Variants in NINL observed in about 807,000 individuals in gnomAD.
NINL encodes the protein ninein like, also known as ninein-like protein.
Under a neutral mutation model 160.3 loss-of-function variants are expected in NINL, and 153 were observed. The ratio of observed to expected loss-of-function variants is 0.95; its 90% confidence interval spans 0.84 to 1.09. The LOEUF is 1.09. NINL is among the 50% of genes least tolerant of loss of function. The probability of loss-of-function intolerance (pLI) is 0.00; values close to 1 mark genes in which losing one functional copy is unlikely to be tolerated. For missense variants in NINL, 1,829 were observed against 1,764.0 expected (o/e 1.04, Z -0.66); for synonymous variants, 800 against 734.8 (o/e 1.09, Z -1.43).
intron 1 of NINL, among the ~76,000 whole-genome samples, chr20:25,531,803 A>T (rs2064469167): frequency 6.6e-6 from 1 of 152,096 alleles, no homozygotes; most frequent in Admixed American, 6.5e-5. Flanking sequence ...CTGTTTTCCC[A>T]ATGTCAGAGG....
chr20:25,456,488 C>T (rs1379476375), intron 22 of NINL, among the ~76,000 whole-genome samples: 1 of 151,174 alleles, frequency 6.6e-6, no homozygotes, highest in African/African-American at 2.4e-5. Flanking sequence ...GCGGAGGTTG[C>T]AGTGAGCCAA....
chr20:25,511,696 TC>T lies in NINL; in HGVS notation c.451-957del, dbSNP rs201336262. Among the ~76,000 whole-genome samples, 448 of 152,288 alleles carry T rather than the reference TC, an allele frequency of 2.9e-3. 1 individual carries two copies. The highest frequency in any genetic ancestry group is 0.01 in the African/African-American group (432 of 41,572). On this transcript the variant is annotated intron_variant, in intron 4 of 23. Transcript: ENST00000278886. The stretch of plus-strand genomic sequence containing the variant: ...TCCACCACAAGGAGGAGATTCACTA[TC>T]TCTCCATCCCTGAGGTCCAAATTTT...
intron 8 of NINL, chr20:25,499,295 C>T (rs1219759271): frequency 1.1e-6 from 1 of 932,320 alleles, no homozygotes; most frequent in African/African-American, 1.8e-5. Context: ...CCACAGCAGC[C>T]TGAGGTCAGA....
chr20:25,472,332 T>TATATAG (rs1277065331), intron 17 of NINL, among the ~76,000 whole-genome samples: 2 of 34,976 alleles, frequency 5.7e-5, no homozygotes, highest in Non-Finnish European at 1.1e-4. Context: ...AGGATATATA[T>TATATAG]ATATATATAT....
intron 12 of NINL, among the ~76,000 whole-genome samples, chr20:25,489,564 G>GA (rs2063577112): frequency 6.6e-6 from 1 of 151,962 alleles, no homozygotes; most frequent in Admixed American, 6.5e-5. Flanking sequence ...CCCAGACCCT[G>GA]ACCCTGGGCA....
At chr20:25,500,269 A>C (rs548711991) in intron 8 of NINL, among the ~76,000 whole-genome samples, 2 of 152,324 alleles carry the variant, frequency 1.3e-5, no homozygotes, top group East Asian at 3.9e-4. Flanking sequence ...GGGAAGCCTG[A>C]GCCTGTAAGG....
intron 1 of NINL, among the ~76,000 whole-genome samples, chr20:25,571,251 A>G (rs79134086): frequency 0.088 from 13,448 of 152,216 alleles, 975 homozygotes; most frequent in African/African-American, 0.2. Context: ...CAGGTTTCAT[A>G]GCCACAGTAC....
chr20:25,546,786 T>C (rs1346302240), intron 1 of NINL, among the ~76,000 whole-genome samples: 2 of 151,526 alleles, frequency 1.3e-5, no homozygotes, highest in Non-Finnish European at 2.9e-5. Context: ...GAGAGGACTT[T>C]TCGCTTGTCA....
At chr20:25,458,263 A>G (rs1234014039) in intron 22 of NINL, 120 bp downstream of exon 22, 4 of 1,309,330 alleles carry the variant, frequency 3.1e-6, no homozygotes, top group Admixed American at 1.7e-5. Context: ...ACCATCTGAC[A>G]TGCTACATAC....
intron 17 of NINL, among the ~76,000 whole-genome samples, chr20:25,472,673 T>C (rs978386044): frequency 1.3e-5 from 2 of 151,188 alleles, no homozygotes; most frequent in Non-Finnish European, 2.9e-5. Flanking sequence ...GGACCAAAGG[T>C]GCGTGCCACC....
At chr20:25,555,383 A>G (rs895395193) in intron 1 of NINL, among the ~76,000 whole-genome samples, 11 of 152,232 alleles carry the variant, frequency 7.2e-5, no homozygotes, top group Non-Finnish European at 1.3e-4. Context: ...CATAGAGGCT[A>G]TATCTATTTA....
intron 1 of NINL, among the ~76,000 whole-genome samples, chr20:25,576,282 C>A (rs945510228): frequency 3.3e-5 from 5 of 152,100 alleles, no homozygotes; most frequent in African/African-American, 9.7e-5. Context: ...GGTGTCTGCA[C>A]AATTAGATTC....
At chr20:25,579,824 GTTTA>G (rs2065153205) in intron 1 of NINL, among the ~76,000 whole-genome samples, 1 of 152,216 alleles carries the variant, frequency 6.6e-6, no homozygotes, top group Admixed American at 6.5e-5. Flanking sequence ...TGAACTCCCT[GTTTA>G]TTTAAGCCAG....
chr20:25,457,140 A>C (rs769578893), intron 22 of NINL, among the ~76,000 whole-genome samples: 1 of 151,990 alleles, frequency 6.6e-6, no homozygotes, highest in Non-Finnish European at 1.5e-5. Flanking sequence ...CCTGGCCAAC[A>C]CGGTGAAACC....
At chr20:25,456,808 T>G (rs1029887315) in intron 22 of NINL, among the ~76,000 whole-genome samples, 5 of 151,762 alleles carry the variant, frequency 3.3e-5, no homozygotes, top group African/African-American at 9.7e-5. Flanking sequence ...GGCAGGCACC[T>G]GTAGTCCCAG....
At chr20:25,499,216 T>C (rs1179134382) in intron 8 of NINL, 3 of 985,136 alleles carry the variant, frequency 3.0e-6, no homozygotes, top group Non-Finnish European at 3.6e-6. Context: ...GGGAGCCGCC[T>C]GGAAAGCTGT....
At chr20:25,554,636 C>CAAAAAAAAAAAA (rs747557892) in intron 1 of NINL, among the ~76,000 whole-genome samples, 2 of 85,798 alleles carry the variant, frequency 2.3e-5, no homozygotes, top group African/African-American at 1.2e-4. Flanking sequence ...AAAAAAAAAA[C>CAAAAAAAAAAAA]AAAAAAAAAA....
At chr20:25,510,834 TG>T in intron 4 of NINL, 94 bp from the exon 5 acceptor site, 1 of 956,696 alleles carries the variant, frequency 1.0e-6, no homozygotes, top group Middle Eastern at 3.2e-4. Context: ...TTTGGGGAAG[TG>T]GGGGATGGCT....
At chr20:25,544,731 C>T (rs1291518530) in intron 1 of NINL, among the ~76,000 whole-genome samples, 1 of 152,190 alleles carries the variant, frequency 6.6e-6, no homozygotes, top group African/African-American at 2.4e-5. Flanking sequence ...ATGAAAAAAG[C>T]AGCCACAAAA....
Sources: gnomAD v4.1 joint callset for allele counts (sites outside exome capture counted in the v4.1 genomes callset) on GRCh38, gnomAD v4.1.1 for gene constraint, MANE v1.5 for transcripts, NCBI Gene and HGNC (gene_info 2026-07-23, HGNC 2026-07-21) for gene names.